Variants in POLE observed in about 807,000 individuals in gnomAD.
POLE encodes DNA polymerase epsilon, catalytic subunit.
POLE carries 188 observed loss-of-function variants against 279.2 expected under a neutral mutation model. The ratio of observed to expected loss-of-function variants is 0.67; its 90% CI spans 0.60 to 0.76. The LOEUF (loss-of-function observed/expected upper bound fraction) is 0.76, where lower values mean the gene tolerates loss of function less well. Ranked by LOEUF, POLE falls within the 30% of genes least tolerant of loss-of-function variation. The pLI is 0.00. For synonymous variants in POLE, 1,214 were observed against 1,172.5 expected, an observed-to-expected ratio of 1.04 and a Z score of -0.72; for missense variants, 2,703 against 3,016.7, an observed-to-expected ratio of 0.90 and a Z score of 2.44.
At chr12:132,666,201 G>A (rs1472303033) in intron 20 of POLE, among the ~76,000 whole-genome samples, 2 of 152,204 alleles carry the variant, frequency 1.3e-5, no homozygotes, top group South Asian at 2.1e-4. Context: ...ATGAAGGATA[G>A]ACAAAATGTG....
chr12:132,641,864 A>ACG lies in POLE; in HGVS notation c.5174-15_5174-14dup. 1 of 1,598,068 alleles carries ACG rather than the reference A, an allele frequency of 6.3e-7. No homozygotes were observed. Among genetic ancestry groups the ACG allele is most frequent in the Non-Finnish European group, 8.5e-7 (1 of 1,179,190 alleles). On this transcript the variant is annotated splice_polypyrimidine_tract_variant and intron_variant, in intron 38 of 48. Coordinates refer to ENST00000320574, the MANE Select transcript of POLE (RefSeq NM_006231.4). ...AGCTCCACACACACTGCACAGGAAG[A>ACG]CGCCATGCTCAGCCAGCATCCTGCC... is the stretch of plus-strand genomic sequence containing the variant.
intron 32 of POLE, among the ~76,000 whole-genome samples, chr12:132,647,937 A>C (rs764754890): frequency 7.9e-5 from 12 of 152,126 alleles, no homozygotes; most frequent in Non-Finnish European, 1.5e-4. Flanking sequence ...ATTCTACTGA[A>C]TCACCTGGCT....
At position 132,639,209 on chromosome 12, in the gene POLE, C is replaced by A. The variant is rs767747669; in HGVS notation, c.5468G>T (p.Arg1823Leu). 2 of 1,613,908 alleles carry A rather than the reference C, an allele frequency of 1.2e-6. No homozygotes were observed. The highest frequency in any genetic ancestry group is 1.7e-6 in the Non-Finnish European group (2 of 1,179,874). The change falls in exon 40 of 49, where the codon CGC (arginine) becomes CTC (leucine). Residue 1823 changes from arginine (R) to leucine (L), a missense_variant. Transcript: ENST00000320574. The surrounding 1 kb of genome is among the most constrained non-coding windows in gnomAD (Gnocchi z 4.7). The stretch of plus-strand genomic sequence containing the variant: ...CAGAGAGGATGGCGACCGAAGCCAG[C>A]GGTAGAAGTGCATCACCTGGTTGTC... ...YADNQVMHFY[R>L]WLRSPSSLLH...
intron 45 of POLE, among the ~76,000 whole-genome samples, chr12:132,628,252 G>C (rs937244463): frequency 6.6e-6 from 1 of 152,168 alleles, no homozygotes; most frequent in Admixed American, 6.5e-5. Context: ...TGAGGCAGGA[G>C]AATGGCGTGA....
At chr12:132,682,052 G>A (rs1043209589) in intron 1 of POLE, among the ~76,000 whole-genome samples, 2 of 152,028 alleles carry the variant, frequency 1.3e-5, no homozygotes, top group Non-Finnish European at 2.9e-5. Context: ...TCCCAGCACC[G>A]TGGGAGGCCG....
At position 132,625,788 on chromosome 12, in the gene POLE, G is replaced by A. The variant is rs1205908135; in HGVS notation, c.6532-18C>T. The A allele has an allele frequency of 4.4e-6, 7 of 1,605,774 alleles. No individual in the cohort carries two copies. Among genetic ancestry groups the A allele is most frequent in the Non-Finnish European group, 5.9e-6 (7 of 1,178,894 alleles). On this transcript the variant is annotated intron_variant, in intron 46 of 48. Transcript: ENST00000320574. ...GCCCCATCCTAGGCAGAGCAAGAGT[G>A]CGAGAGGTCACCAGCCCAGCCTCCA... is the stretch of plus-strand genomic sequence containing the variant.
At chr12:132,683,089 T>A (rs1036917778) in intron 1 of POLE, among the ~76,000 whole-genome samples, 1 of 152,146 alleles carries the variant, frequency 6.6e-6, no homozygotes. Flanking sequence ...TTACTTCTCA[T>A]GAAAGATTAT....
chr12:132,626,358 G>A lies in POLE; in HGVS notation c.6331-41C>T, dbSNP rs368912204. ...CCCACATCGGGAAGGAGCTCCCGGG[G>A]CCTCCCTGCTGCTCTGTCTGGACCA... On this transcript the variant is annotated intron_variant, in intron 45 of 48. Transcript: ENST00000320574. The A allele has an allele frequency of 2.7e-5, 43 of 1,591,248 alleles. No individual in the cohort carries two copies. The African/African-American group carries it at 5.2e-4, about 19-fold the overall frequency.
At chr12:132,657,487 C>T in intron 27 of POLE, 58 bp from the exon 28 acceptor site, 1 of 1,419,976 alleles carries the variant, frequency 7.0e-7, no homozygotes, top group Non-Finnish European at 9.9e-7. Context: ...AAGAGTGGGG[C>T]TCACTTCATG....
chr12:132,677,637 T>C lies in POLE; in HGVS notation c.661A>G (p.Met221Val), dbSNP rs920291083. Residue 221 changes from methionine (M) to valine (V), a missense_variant, in exon 7 of 49, where the codon ATG (methionine) becomes GTG (valine). Met to Val is a conservative substitution (Grantham distance 21). Coordinates refer to ENST00000320574, the MANE Select transcript of POLE (RefSeq NM_006231.4). The stretch of plus-strand genomic sequence containing the variant: ...TGGTAGGGAACATCGTACTCGCGCA[T>C]GTCCACAATGTTGTCCAACTGGTCA... ...IADQLDNIVDMREYDVPYHIR... is the reference protein window; with the variant it reads ...IADQLDNIVDVREYDVPYHIR... 1.2e-6 allele frequency: 2 copies of C among 1,614,210 alleles called. No individual in the cohort carries two copies. Among genetic ancestry groups the C allele is most frequent in the Non-Finnish European group, 8.5e-7 (1 of 1,180,018 alleles).
rs919475012 is a variant in POLE at position 132,634,453 on chromosome 12, G to T, written c.5812-75C>A. On this transcript the variant is annotated intron_variant, in intron 42 of 48. Coordinates refer to ENST00000320574, the MANE Select transcript of POLE (RefSeq NM_006231.4). This position sits in a 1 kb window ranked among gnomAD's most constrained non-coding sequence, Gnocchi z 4.0. ...AGAGGGGTAGGATGCCACAGCGAAG[G>T]CTCCTCCAACCTGGGTCCATCTGCC... 1 of 1,450,872 alleles carries T rather than the reference G, an allele frequency of 6.9e-7. No individual in the cohort carries two copies. The highest frequency in any genetic ancestry group is 9.5e-7 in the Non-Finnish European group (1 of 1,053,592). The allele number at this position is 1,450,872 out of a possible 1,614,324, so 89.9% of individuals were successfully genotyped here.
intron 13 of POLE, 61 bp from the exon 14 acceptor site, chr12:132,673,338 A>T: frequency 7.9e-7 from 1 of 1,270,374 alleles, no homozygotes; most frequent in Non-Finnish European, 1.2e-6. Flanking sequence ...GTCAAGTGTG[A>T]AGCACAGAAA....
At chr12:132,625,863 G>A in intron 46 of POLE, 93 bp from the exon 47 acceptor site, 2 of 1,518,330 alleles carry the variant, frequency 1.3e-6, no homozygotes, top group African/African-American at 1.4e-5. Flanking sequence ...GCTGTGAGAA[G>A]CGCCTGGTGA....
At chr12:132,632,573 G>T (rs1464878711) in intron 44 of POLE, 65 bp from the exon 45 acceptor site, 13 of 1,604,956 alleles carry the variant, frequency 8.1e-6, no homozygotes, top group Non-Finnish European at 1.1e-5. Flanking sequence ...CCTCCCACCT[G>T]GGGGACTGGC....
At position 132,668,265 on chromosome 12, in the gene POLE, C is replaced by A. The variant is rs1266431461; in HGVS notation, c.2173+91G>T. ...CTGCTGTGACAACACCTCTGGGGCC[C>A]CAGCTGGGATGGACCAACGCAGCCC... On this transcript the variant is annotated intron_variant, in intron 19 of 48. Transcript: ENST00000320574. This position sits in a 1 kb window ranked among gnomAD's most constrained non-coding sequence, Gnocchi z 4.0. 1 of 1,455,060 alleles carries A rather than the reference C, an allele frequency of 6.9e-7. No homozygotes were observed. The highest frequency in any genetic ancestry group is 9.1e-7 in the Non-Finnish European group (1 of 1,099,580). The allele number at this position is 1,455,060 out of a possible 1,614,324, so 90.1% of individuals were successfully genotyped here.
In POLE at chr12:132,648,799, T is replaced by C. The variant is rs559206258; in HGVS notation, c.4149+130A>G. On this transcript the variant is annotated intron_variant, in intron 32 of 48. Coordinates refer to ENST00000320574, the MANE Select transcript of POLE (RefSeq NM_006231.4). Reference sequence around the variant, plus strand: ...CTCGGTGCTCAGCGCTCACACACGTTGTTTTGAGGAATTCCTAGAACATCC... The same window carrying C: ...CTCGGTGCTCAGCGCTCACACACGTCGTTTTGAGGAATTCCTAGAACATCC... 5 of 993,324 alleles carry C rather than the reference T, an allele frequency of 5.0e-6. No individual in the cohort carries two copies. In the South Asian group the frequency reaches 8.3e-5, roughly 16 times the overall value. 61.5% of individuals were successfully genotyped at this position (993,324 alleles called of 1,614,324 possible).
At chr12:132,641,445 G>A (rs2042138694) in intron 39 of POLE, 1 of 596,142 alleles carries the variant, frequency 1.7e-6, no homozygotes, top group Admixed American at 2.9e-5. Flanking sequence ...GCAGCACACT[G>A]AACAGTCGCC....
chr12:132,671,061 G>A (rs1286842669), intron 16 of POLE, among the ~76,000 whole-genome samples: 8 of 151,512 alleles, frequency 5.3e-5, no homozygotes, highest in African/African-American at 1.7e-4. Flanking sequence ...TCAGGAGTTC[G>A]AAAGCAGCCT....
rs531475854 is a variant in POLE at position 132,657,402 on chromosome 12, G to A, written c.3406C>T (p.Arg1136Trp). The A allele has an allele frequency of 3.7e-6, 6 of 1,613,922 alleles. No individual in the cohort carries two copies. The highest frequency in any genetic ancestry group is 4.2e-6 in the Non-Finnish European group (5 of 1,180,006). ...ATCTTCTGGATGGCGCTTCCCAGCC[G>A]CTCAATGTAGTAGTCCCAATCCAGA... The part of the protein sequence containing the change: ...AILDWDYYIE[R>W]LGSAIQKIIT... The change falls in exon 28 of 49, where the codon CGG (arginine) becomes TGG (tryptophan). Residue 1136 changes from arginine to tryptophan, a missense_variant. Arg to Trp is a moderately radical substitution (Grantham distance 101, BLOSUM62 -3). This residue lies in a region of POLE where 1,551 missense variants were observed against 1,686.1 expected (regional missense o/e 0.92). Transcript: ENST00000320574.
Sources: gnomAD v4.1 joint callset for allele counts (sites outside exome capture counted in the v4.1 genomes callset) on GRCh38, gnomAD v4.1.1 for gene constraint, gnomAD v4.1.1 regional missense constraint, Gnocchi (gnomAD v3.1) non-coding constraint, MANE v1.5 for transcripts, NCBI Gene and HGNC (gene_info 2026-07-23, HGNC 2026-07-21) for gene names.